CCDC171: variants seen among roughly 807,000 people sequenced by gnomAD.
CCDC171 encodes the protein coiled-coil domain containing 171.
CCDC171 carries 177 observed loss-of-function variants against 168.2 expected under a neutral mutation model. The ratio of observed to expected loss-of-function variants is 1.05; its 90% CI spans 0.93 to 1.19. The LOEUF is 1.19. CCDC171 is among the 50% of genes most tolerant of loss of function. CCDC171 has a pLI of 0.00. For synonymous variants in CCDC171, 687 were observed against 540.8 expected (o/e 1.27, Z -3.75); for missense variants, 1,991 against 1,539.0 (o/e 1.29, Z -4.91).
rs71325945 is a variant in CCDC171 at position 15,868,498 on chromosome 9, T to TGA, written c.3469-6016_3469-6015dup. Reference sequence around the variant, plus strand: ...TCATGTGTGTACACGTGTGTGTGTGTGAGAGAGAGAGAGAGAGAGGATATG... The same window carrying TGA: ...TCATGTGTGTACACGTGTGTGTGTGTGAGAGAGAGAGAGAGAGAGAGGATATG... On this transcript the variant is annotated intron_variant, in intron 23 of 25. Transcript: ENST00000380701. 1.1e-3 allele frequency among the ~76,000 whole-genome samples: 167 copies of TGA among 148,076 alleles called. 1 individual carries two copies. Among genetic ancestry groups the TGA allele is most frequent in the East Asian group, 5.0e-3 (25 of 5,028 alleles).
intron 18 of CCDC171, among the ~76,000 whole-genome samples, chr9:15,754,101 G>A (rs928408104): frequency 3.3e-5 from 5 of 152,120 alleles, no homozygotes; most frequent in African/African-American, 7.2e-5. Flanking sequence ...AAGTTAAAGC[G>A]TATGAGTAGT....
intron 8 of CCDC171, among the ~76,000 whole-genome samples, chr9:15,665,198 C>T (rs569040618): frequency 6.6e-6 from 1 of 152,130 alleles, no homozygotes; most frequent in South Asian, 2.1e-4. Flanking sequence ...GCAATCACAG[C>T]CCACGGCAGC....
intron 3 of CCDC171, among the ~76,000 whole-genome samples, chr9:15,985,807 G>C (rs556811304): frequency 6.6e-6 from 1 of 152,176 alleles, no homozygotes; most frequent in Non-Finnish European, 1.5e-5. Context: ...AAATGAATAT[G>C]AGTCCCTTTG....
chr9:15,735,502 T>A (rs2054435262), intron 16 of CCDC171, among the ~76,000 whole-genome samples: 1 of 152,220 alleles, frequency 6.6e-6, no homozygotes, highest in Non-Finnish European at 1.5e-5. Context: ...CACTTTAGAT[T>A]TATTTGACAT....
the CCDC171 span, among the ~76,000 whole-genome samples, chr9:16,100,101 A>G: frequency 5.3e-5 from 8 of 152,150 alleles, no homozygotes; most frequent in East Asian, 1.9e-4. Flanking sequence ...TCAGAAAACA[A>G]TGGGGGCATT....
intron 21 of CCDC171, among the ~76,000 whole-genome samples, chr9:15,819,757 C>T (rs977426298): frequency 2.6e-5 from 3 of 116,788 alleles, no homozygotes; most frequent in African/African-American, 9.7e-5. Flanking sequence ...TTTAAAACCC[C>T]ACTGTCAATA....
intron 21 of CCDC171, among the ~76,000 whole-genome samples, chr9:15,791,641 G>A (rs1246416949): frequency 6.6e-6 from 1 of 152,130 alleles, no homozygotes; most frequent in Non-Finnish European, 1.5e-5. Context: ...TGTTGAATGG[G>A]AGTGGTGAGA....
At chr9:16,049,569 C>G (rs1227735614) in intron 1 of CCDC171, among the ~76,000 whole-genome samples, 1 of 152,094 alleles carries the variant, frequency 6.6e-6, no homozygotes, top group African/African-American at 2.4e-5. Flanking sequence ...TCAGGGTAGC[C>G]GGTCTTTGGG....
At chr9:16,085,569 T>C in the CCDC171 span, among the ~76,000 whole-genome samples, 1 of 152,184 alleles carries the variant, frequency 6.6e-6, no homozygotes, top group Non-Finnish European at 1.5e-5. Context: ...GTTCCAAATC[T>C]TGTGCAAGGG....
intron 7 of CCDC171, among the ~76,000 whole-genome samples, chr9:15,633,330 AAAAC>A (rs1377068308): frequency 5.3e-5 from 8 of 152,200 alleles, no homozygotes; most frequent in Non-Finnish European, 7.3e-5. Context: ...TTACAAGAAA[AAAAC>A]AAACAACCCC....
chr9:15,865,854 G>A (rs982989656), intron 23 of CCDC171, among the ~76,000 whole-genome samples: 58 of 13,490 alleles, frequency 4.3e-3, no homozygotes, highest in African/African-American at 5.1e-3. Context: ...GCGTGCGTGT[G>A]TGTGTGTGTG....
At chr9:15,804,396 G>A (rs1051428541) in intron 21 of CCDC171, among the ~76,000 whole-genome samples, 1 of 151,084 alleles carries the variant, frequency 6.6e-6, no homozygotes, top group African/African-American at 2.4e-5. Context: ...ATTATTTGAG[G>A]TATGTTCCTT....
chr9:15,563,542 A>C (rs1486364335), intron 1 of CCDC171, among the ~76,000 whole-genome samples: 1 of 152,204 alleles, frequency 6.6e-6, no homozygotes, highest in Non-Finnish European at 1.5e-5. Context: ...AATACCAATT[A>C]CAGTGCTTGA....
intron 24 of CCDC171, among the ~76,000 whole-genome samples, chr9:15,901,426 G>C (rs1185530974): frequency 6.6e-6 from 1 of 152,054 alleles, no homozygotes; most frequent in African/African-American, 2.4e-5. Flanking sequence ...ATGAAAGAGG[G>C]TTTATGTGTA....
chr9:15,992,528 G>T (rs1482589878), intron 3 of CCDC171, among the ~76,000 whole-genome samples: 9 of 152,024 alleles, frequency 5.9e-5, no homozygotes, highest in East Asian at 1.9e-4. Context: ...CTTTGAAAAC[G>T]GGCACAAGAC....
intron 25 of CCDC171, among the ~76,000 whole-genome samples, chr9:15,959,221 C>T (rs896104597): frequency 6.6e-6 from 1 of 152,146 alleles, no homozygotes; most frequent in Admixed American, 6.5e-5. Context: ...ATGACATTAA[C>T]TAAAGGTGGC....
chr9:15,974,231 T>A (rs991355983), downstream of CCDC171, among the ~76,000 whole-genome samples: 3 of 151,986 alleles, frequency 2.0e-5, no homozygotes, highest in Non-Finnish European at 2.9e-5. Flanking sequence ...TAGTAATATT[T>A]ATACCATATG....
chr9:15,614,531 A>G (rs1196411079), intron 6 of CCDC171, among the ~76,000 whole-genome samples: 1 of 152,236 alleles, frequency 6.6e-6, no homozygotes, highest in African/African-American at 2.4e-5. Context: ...TTAGATTCAG[A>G]TAATTTTTGC....
At chr9:15,810,495 G>C (rs537340093) in intron 21 of CCDC171, among the ~76,000 whole-genome samples, 1 of 151,932 alleles carries the variant, frequency 6.6e-6, no homozygotes, top group Non-Finnish European at 1.5e-5. Flanking sequence ...CCCGCCATGG[G>C]GTGGGGGGGT....
Sources: gnomAD v4.1 joint callset for allele counts (sites outside exome capture counted in the v4.1 genomes callset) on GRCh38, gnomAD v4.1.1 for gene constraint, MANE v1.5 for transcripts, NCBI Gene and HGNC (gene_info 2026-07-23, HGNC 2026-07-21) for gene names.